The following PDCD11 variants were observed in gnomAD, a reference collection of about 807,000 sequenced individuals.
PDCD11 encodes protein RRP5 homolog.
Under a neutral mutation model 198.9 loss-of-function variants are expected in PDCD11, and 97 were observed. The observed-to-expected ratio is 0.49, with a 90% CI of 0.41 to 0.58. The LOEUF (loss-of-function observed/expected upper bound fraction) is 0.58, where lower values mean the gene tolerates loss of function less well. Among genes scored for constraint, PDCD11 ranks in the 20% least tolerant of loss-of-function variants. The pLI, the probability that PDCD11 is intolerant of heterozygous loss-of-function variation, is 0.00. For synonymous variants in PDCD11, 893 were observed against 918.0 expected, an observed-to-expected ratio of 0.97 and a Z score of 0.49; for missense variants, 2,102 against 2,312.7, an observed-to-expected ratio of 0.91 and a Z score of 1.87.
chr10:103,432,047 TG>T, intron 21 of PDCD11, 81 bp from the exon 22 acceptor site: 1 of 1,031,536 alleles, frequency 9.7e-7, no homozygotes, highest in Non-Finnish European at 1.5e-6. Flanking sequence ...AGTCAATCCG[TG>T]GCCACTTGGG....
At chr10:103,424,856 A>T in intron 19 of PDCD11, 128 bp from the exon 20 acceptor site, 1 of 991,220 alleles carries the variant, frequency 1.0e-6, no homozygotes. Context: ...TCCAGCTCAG[A>T]CCAGCCTTGA....
Position 103,443,965 on chromosome 10 carries a change from A to G in PDCD11, c.5175A>G (p.Lys1725=), listed in dbSNP as rs945144034. 6.2e-7 allele frequency: 1 copy of G among 1,614,026 alleles called. No homozygotes were observed. The highest frequency in any genetic ancestry group is 1.3e-5 in the African/African-American group (1 of 74,908). Residue 1725 remains lysine (K), a synonymous_variant, in exon 34 of 36, where the codon AAA becomes AAG. Transcript: ENST00000369797. ...NRMLKRFRQE[K]AVWIKYGAFL... is the part of the protein sequence containing the mutation. Reference sequence around the variant, plus strand: ...TGCTGAAGCGTTTCCGGCAGGAGAAAGCTGTGTGGATCAAATACGGCGCCT... The same window carrying G: ...TGCTGAAGCGTTTCCGGCAGGAGAAGGCTGTGTGGATCAAATACGGCGCCT...
At position 103,444,685 on chromosome 10, in the gene PDCD11, G is replaced by A; in HGVS notation, c.5444+3G>A. 6.2e-7 allele frequency: 1 copy of A among 1,613,362 alleles called. No homozygotes were observed. Among genetic ancestry groups the A allele is most frequent in the Middle Eastern group, 1.8e-4 (1 of 5,584 alleles). ...CACGGCAGCCAGAAGGACGTCCGGTGAGTGGGGCAGCTGGCCAAGGCCGAG... is the reference window on the plus strand; with the variant it reads ...CACGGCAGCCAGAAGGACGTCCGGTAAGTGGGGCAGCTGGCCAAGGCCGAG... On this transcript the variant is annotated splice_donor_region_variant and intron_variant, in intron 35 of 35. Transcript: ENST00000369797.
In PDCD11 at chr10:103,434,302, G is replaced by A. The variant is rs777594549; in HGVS notation, c.3619G>A (p.Val1207Ile). ...FRVGQALRAT[V>I]VGPDSSKTLL... ...GGTTGGCCAGGCCCTGAGGGCCACC[G>A]TTGTTGGCCCAGATTCCTCCAAGAC... is the stretch of plus-strand genomic sequence containing the variant. The change falls in exon 24 of 36, where the codon GTT becomes ATT. Residue 1207 changes from valine to isoleucine, a missense_variant. By Grantham distance (29) the Val-to-Ile change is conservative. Transcript: ENST00000369797. 35 of 1,613,438 alleles carry A rather than the reference G, an allele frequency of 2.2e-5. 1 individual carries two copies. Among genetic ancestry groups the A allele is most frequent in the South Asian group, 3.3e-5 (3 of 91,072 alleles).
rs760681349 is a variant in PDCD11 at position 103,398,534 on chromosome 10, T to A, written c.102+6T>A. ...AACAAGACAACTTATTTGATGTAAGTAGTATGCTTGTTTGGTGACACTCAC... is the reference window on the plus strand; with the variant it reads ...AACAAGACAACTTATTTGATGTAAGAAGTATGCTTGTTTGGTGACACTCAC... On this transcript the variant is annotated splice_donor_region_variant and intron_variant, in intron 2 of 35. Coordinates refer to ENST00000369797, the MANE Select transcript of PDCD11 (RefSeq NM_014976.2). 2.5e-6 allele frequency: 4 copies of A among 1,574,306 alleles called. No homozygotes were observed. The highest frequency in any genetic ancestry group is 2.7e-5 in the African/African-American group (2 of 74,134).
Position 103,445,635 on chromosome 10 carries a change from T to C in PDCD11, c.*86T>C. 9.1e-7 allele frequency: 1 copy of C among 1,098,782 alleles called. No homozygotes were observed. The highest frequency in any genetic ancestry group is 1.3e-6 in the Non-Finnish European group (1 of 757,148). 68.1% of individuals were successfully genotyped at this position (1,098,782 alleles called of 1,614,324 possible). A position where few individuals can be genotyped will look rare whatever the true frequency, so the allele number is the denominator to read the frequency against. On this transcript the variant is annotated 3_prime_UTR_variant, in exon 36 of 36. Coordinates refer to ENST00000369797, the MANE Select transcript of PDCD11 (RefSeq NM_014976.2). ...CCTGGGCACTCGGAAAACTGTTACC[T>C]CAGGACTCTATTTAAATGCTGCTTT...
rs143460544 is a variant in PDCD11 at position 103,413,209 on chromosome 10, C to G, written c.1072C>G (p.Arg358Gly). 113 of 1,614,006 alleles carry G rather than the reference C, an allele frequency of 7.0e-5. No individual in the cohort carries two copies. Among genetic ancestry groups the G allele is most frequent in the Non-Finnish European group, 9.5e-5 (112 of 1,179,984 alleles). ...CCTACAGCCTGGACGCCCACTCACC[C>G]GACTCTCTTGCCAGAACCTTGGAGC... ...IFLQPGRPLT[R>G]LSCQNLGAVL... is the part of the protein sequence containing the mutation. The change falls in exon 9 of 36, where the codon CGA (arginine) becomes GGA (glycine). Residue 358 changes from arginine (R) to glycine (G), a missense_variant. By Grantham distance (125) the Arg-to-Gly change is moderately radical. Transcript: ENST00000369797.
Position 103,406,009 on chromosome 10 carries a change from C to G in PDCD11, c.589C>G (p.Leu197Val). Residue 197 changes from leucine to valine, a missense_variant, in exon 6 of 36, where the codon CTG (leucine) becomes GTG (valine). Physicochemically the swap from Leu to Val is conservative, Grantham distance 32. Transcript: ENST00000369797. ...GMLLTGTVSS[L>V]EDHGYLVDIG... The stretch of plus-strand genomic sequence containing the variant: ...GCTACTTACAGGTACCGTATCCAGC[C>G]TGGAAGACCATGGCTACCTAGTGGA... 1 of 1,614,144 alleles carries G rather than the reference C, an allele frequency of 6.2e-7. No homozygotes were observed.
chr10:103,418,422 T>A lies in PDCD11; in HGVS notation c.1912-18T>A, dbSNP rs1481327463. The A allele has an allele frequency of 6.2e-7, 1 of 1,605,490 alleles. No individual in the cohort carries two copies. On this transcript the variant is annotated intron_variant, in intron 14 of 35. Transcript: ENST00000369797. ...GTTCATGACAAGTGCTATTTTTGTC[T>A]TTCTCTTCCCTGGGTAGTTGGTAGA...
chr10:103,433,387 C>G (rs994296532), intron 22 of PDCD11, among the ~76,000 whole-genome samples: 6 of 152,100 alleles, frequency 3.9e-5, no homozygotes, highest in Non-Finnish European at 8.8e-5. Context: ...ATCCCAGCTA[C>G]CCTGGAGGCT....
chr10:103,406,748 T>C lies in PDCD11; in HGVS notation c.828T>C (p.Asn276=), dbSNP rs760577723. The change falls in exon 7 of 36, where the codon AAT becomes AAC. Residue 276 remains asparagine (N), a synonymous_variant. Transcript: ENST00000369797. ...CTGAACAGCAGAGCTGGAACCTTAATAACTTGCTACCAGGACTGGTGGTCA... is the reference window on the plus strand; with the variant it reads ...CTGAACAGCAGAGCTGGAACCTTAACAACTTGCTACCAGGACTGGTGGTCA... ...IATEQQSWNL[N]NLLPGLVVKA... is the part of the protein sequence containing the mutation. 1.2e-6 allele frequency: 2 copies of C among 1,614,200 alleles called. No homozygotes were observed. Among genetic ancestry groups the C allele is most frequent in the Non-Finnish European group, 1.7e-6 (2 of 1,180,028 alleles).
intron 22 of PDCD11, among the ~76,000 whole-genome samples, chr10:103,432,968 C>T (rs1175375493): frequency 6.6e-6 from 1 of 152,164 alleles, no homozygotes; most frequent in Non-Finnish European, 1.5e-5. Flanking sequence ...ATTCCAATTG[C>T]CTACTGCCCA....
intron 27 of PDCD11, 34 bp downstream of exon 27, chr10:103,438,842 T>C (rs1564777089): frequency 1.2e-6 from 2 of 1,612,078 alleles, no homozygotes; most frequent in African/African-American, 2.7e-5. Flanking sequence ...CGGACCCAAG[T>C]GCCTTCCCTG....
intron 4 of PDCD11, among the ~76,000 whole-genome samples, chr10:103,403,901 C>G (rs2030277033): frequency 6.6e-6 from 1 of 152,106 alleles, no homozygotes; most frequent in Non-Finnish European, 1.5e-5. Context: ...GGGCTGAGTT[C>G]TAGGTTTCTG....
intron 8 of PDCD11, among the ~76,000 whole-genome samples, chr10:103,410,322 G>A (rs1435824514): frequency 1.3e-5 from 2 of 151,696 alleles, no homozygotes; most frequent in African/African-American, 4.8e-5. Flanking sequence ...TGGAGAAGAA[G>A]GCAACTTTCA....
chr10:103,435,380 A>G (rs532355334), intron 25 of PDCD11, among the ~76,000 whole-genome samples: 2 of 151,706 alleles, frequency 1.3e-5, no homozygotes, highest in Non-Finnish European at 2.9e-5. Context: ...GATAGACAAT[A>G]CTTTTTTTGA....
At chr10:103,443,045 G>T in intron 32 of PDCD11, 120 bp from the exon 33 acceptor site, 2 of 799,198 alleles carry the variant, frequency 2.5e-6, no homozygotes, top group South Asian at 2.2e-5. Context: ...TACATTTGGG[G>T]TGGGATCTGA....
rs779853711 is a variant in PDCD11, at chr10:103,419,676, C to G, written c.2245C>G (p.Pro749Ala). Residue 749 changes from proline to alanine, a missense_variant, in exon 16 of 36, where the codon CCC (proline) becomes GCC (alanine). Coordinates refer to ENST00000369797, the MANE Select transcript of PDCD11 (RefSeq NM_014976.2). ...GGACTATGGCGTGTTCATCCAGTTC[C>G]CCTCAGGTCTTAGCGGACTGGCCCC... ...IKDYGVFIQF[P>A]SGLSGLAPKA... 1.7e-5 allele frequency: 27 copies of G among 1,613,970 alleles called. No homozygotes were observed. The South Asian group carries it at 3.0e-4, about 18-fold the overall frequency.
intron 21 of PDCD11, among the ~76,000 whole-genome samples, chr10:103,431,840 A>G (rs2031948345): frequency 6.6e-6 from 1 of 152,242 alleles, no homozygotes; most frequent in African/African-American, 2.4e-5. Flanking sequence ...GCAACAGCCA[A>G]AGTATTATGA....
Sources: gnomAD v4.1 joint callset for allele counts (sites outside exome capture counted in the v4.1 genomes callset) on GRCh38, gnomAD v4.1.1 for gene constraint, MANE v1.5 for transcripts, NCBI Gene and HGNC (gene_info 2026-07-23, HGNC 2026-07-21) for gene names.